The following WDR25 variants were observed in gnomAD, a reference collection of about 807,000 sequenced individuals.
WDR25 encodes WD repeat domain 25.
Under a neutral mutation model 47.7 loss-of-function variants are expected in WDR25, and 35 were observed. The ratio of observed to expected loss-of-function variants is 0.73; its 90% CI spans 0.56 to 0.97. The LOEUF (loss-of-function observed/expected upper bound fraction) is 0.97, where lower values mean the gene tolerates loss of function less well. Ranked by LOEUF, WDR25 falls within the 50% of genes least tolerant of loss-of-function variation. WDR25 has a pLI of 0.00. For missense variants in WDR25, 634 were observed against 704.7 expected, an observed-to-expected ratio of 0.90 and a Z score of 1.14; for synonymous variants, 248 against 278.9, an observed-to-expected ratio of 0.89 and a Z score of 1.10.
intron 2 of WDR25, among the ~76,000 whole-genome samples, chr14:100,408,627 G>A (rs531970639): frequency 6.6e-6 from 1 of 152,298 alleles, no homozygotes; most frequent in South Asian, 2.1e-4. Context: ...CAGTGACGCA[G>A]CTGAGAGCCA....
At chr14:100,470,547 T>G (rs2140300052) in intron 3 of WDR25, among the ~76,000 whole-genome samples, 1 of 152,200 alleles carries the variant, frequency 6.6e-6, no homozygotes, top group South Asian at 2.1e-4. Flanking sequence ...TTTTAGACAT[T>G]CAAAGAGGGT....
chr14:100,445,864 T>C (rs1373129468), intron 2 of WDR25, among the ~76,000 whole-genome samples: 2 of 152,118 alleles, frequency 1.3e-5, no homozygotes, highest in African/African-American at 2.4e-5. Context: ...TCCACCACAG[T>C]TGGAAGAAGT....
intron 2 of WDR25, among the ~76,000 whole-genome samples, chr14:100,421,420 G>A (rs760479724): frequency 6.6e-5 from 10 of 152,170 alleles, no homozygotes; most frequent in Non-Finnish European, 1.5e-4. Context: ...ACAGAAGAGG[G>A]GAGGAAGCAG....
intron 4 of WDR25, among the ~76,000 whole-genome samples, chr14:100,517,630 G>C (rs988451170): frequency 6.6e-6 from 1 of 152,124 alleles, no homozygotes; most frequent in African/African-American, 2.4e-5. Flanking sequence ...GATCACCTGA[G>C]GTCAGAAGTT....
At chr14:100,416,470 G>T (rs551731077) in intron 2 of WDR25, among the ~76,000 whole-genome samples, 1 of 152,250 alleles carries the variant, frequency 6.6e-6, no homozygotes, top group East Asian at 1.9e-4. Flanking sequence ...CCCGATTTCT[G>T]TTCCTATCAC....
chr14:100,517,478 G>A (rs1347461833), intron 4 of WDR25, among the ~76,000 whole-genome samples: 1 of 151,850 alleles, frequency 6.6e-6, no homozygotes, highest in East Asian at 1.9e-4. Context: ...TTGCTGTAAG[G>A]ACTACAATAT....
chr14:100,495,030 C>G (rs1212146279), intron 4 of WDR25, among the ~76,000 whole-genome samples: 1 of 152,162 alleles, frequency 6.6e-6, no homozygotes, highest in African/African-American at 2.4e-5. Flanking sequence ...AAGATAAATA[C>G]ATAAAAGAAG....
Position 100,529,303 on chromosome 14 carries a change from G to A in WDR25, c.1413+95G>A. 6.4e-7 allele frequency: 1 copy of A among 1,551,204 alleles called. No individual in the cohort carries two copies. Among genetic ancestry groups the A allele is most frequent in the South Asian group, 1.1e-5 (1 of 87,776 alleles). On this transcript the variant is annotated intron_variant, in intron 6 of 6. Transcript: ENST00000402312. The surrounding 1 kb of genome is among the most constrained non-coding windows in gnomAD (Gnocchi z 5.1). ...GGGCCCTGGGGTGCATGGAGCCTCT[G>A]TCTGGGTGGATCCTGCTTTCTGTTT...
intron 2 of WDR25, among the ~76,000 whole-genome samples, chr14:100,389,510 A>G (rs1897091691): frequency 6.6e-6 from 1 of 152,068 alleles, no homozygotes; most frequent in Non-Finnish European, 1.5e-5. Context: ...GACCCCTCAT[A>G]TACTGGGGGG....
chr14:100,451,170 T>G (rs539572722), intron 2 of WDR25, among the ~76,000 whole-genome samples: 1 of 151,936 alleles, frequency 6.6e-6, no homozygotes, highest in Non-Finnish European at 1.5e-5. Context: ...AGGCAGGCAG[T>G]AGAATTCATG....
At chr14:100,511,280 T>C (rs1329655240) in intron 4 of WDR25, among the ~76,000 whole-genome samples, 2 of 152,216 alleles carry the variant, frequency 1.3e-5, no homozygotes, top group Non-Finnish European at 2.9e-5. Context: ...GTATTTATAT[T>C]TTGATGCTAT....
intron 3 of WDR25, among the ~76,000 whole-genome samples, chr14:100,481,712 C>G (rs754701327): frequency 1.3e-5 from 2 of 152,034 alleles, no homozygotes; most frequent in Non-Finnish European, 2.9e-5. Flanking sequence ...GAAAACCACT[C>G]CTTGGTCATT....
At chr14:100,378,064 A>C (rs1461508786) in intron 1 of WDR25, among the ~76,000 whole-genome samples, 1 of 152,116 alleles carries the variant, frequency 6.6e-6, no homozygotes. Flanking sequence ...TTTTCTCTGG[A>C]TTGTGCTTGG....
chr14:100,426,730 C>T (rs1371057781), intron 2 of WDR25, among the ~76,000 whole-genome samples: 1 of 152,204 alleles, frequency 6.6e-6, no homozygotes, highest in Non-Finnish European at 1.5e-5. Context: ...AGGAAGACTG[C>T]TGCCCCCCAG....
chr14:100,413,450 G>T (rs550894188), intron 2 of WDR25, among the ~76,000 whole-genome samples: 51 of 147,130 alleles, frequency 3.5e-4, no homozygotes, highest in African/African-American at 1.2e-3. Flanking sequence ...GTCTCGCTCT[G>T]TCGCCCAGGC....
At chr14:100,481,121 A>AAAAAAAAAAAAAAG in intron 3 of WDR25, 1 of 443,668 alleles carries the variant, frequency 2.3e-6, no homozygotes, top group Non-Finnish European at 4.5e-6. Context: ...AAAAAAAAAA[A>AAAAAAAAAAAAAAG]AAAAAAAAAA....
At chr14:100,405,354 T>C (rs1433341944) in intron 2 of WDR25, among the ~76,000 whole-genome samples, 1 of 151,578 alleles carries the variant, frequency 6.6e-6, no homozygotes, top group East Asian at 1.9e-4. Context: ...AGAGACGGGG[T>C]TTGTCCATGT....
chr14:100,436,893 T>G (rs1018919851), intron 2 of WDR25, among the ~76,000 whole-genome samples: 1 of 152,252 alleles, frequency 6.6e-6, no homozygotes, highest in African/African-American at 2.4e-5. Context: ...AGGTTGGCCC[T>G]GCTTTCAGTT....
At chr14:100,493,237 C>T (rs1900621899) in intron 4 of WDR25, among the ~76,000 whole-genome samples, 1 of 152,176 alleles carries the variant, frequency 6.6e-6, no homozygotes, top group African/African-American at 2.4e-5. Flanking sequence ...CGGTTGAGAA[C>T]ATTTTCCTCA....
Sources: gnomAD v4.1 joint callset for allele counts (sites outside exome capture counted in the v4.1 genomes callset) on GRCh38, gnomAD v4.1.1 for gene constraint, Gnocchi (gnomAD v3.1) non-coding constraint, MANE v1.5 for transcripts, NCBI Gene and HGNC (gene_info 2026-07-23, HGNC 2026-07-21) for gene names.